CCNJL: variants seen among roughly 807,000 people sequenced by gnomAD.
CCNJL encodes the protein cyclin-J-like protein.
CCNJL carries 33 observed loss-of-function variants against 33.4 expected under a neutral mutation model. That is an observed-to-expected ratio of 0.99 (90% confidence interval 0.75 to 1.32). The LOEUF is 1.32. CCNJL is among the 40% of genes most tolerant of loss of function. The probability of loss-of-function intolerance (pLI) is 0.00; values close to 1 mark genes in which losing one functional copy is unlikely to be tolerated. For missense variants in CCNJL, 512 were observed against 499.7 expected, an observed-to-expected ratio of 1.02 and a Z score of -0.23; for synonymous variants, 227 against 220.9, an observed-to-expected ratio of 1.03 and a Z score of -0.24.
intron 3 of CCNJL, among the ~76,000 whole-genome samples, chr5:160,273,287 C>A (rs1361487062): frequency 6.6e-6 from 1 of 152,182 alleles, no homozygotes; most frequent in African/African-American, 2.4e-5. Flanking sequence ...TACATTAATT[C>A]ATTAATATTG....
At chr5:160,300,967 G>T (rs1038442232) in intron 2 of CCNJL, among the ~76,000 whole-genome samples, 4 of 152,124 alleles carry the variant, frequency 2.6e-5, no homozygotes, top group African/African-American at 9.7e-5. Context: ...GTATACTAGC[G>T]CAATCTTGTG....
rs191693088 is a variant in CCNJL at position 160,328,356 on chromosome 5, G to A, written n.206+11089C>T. On this transcript the variant is annotated intron_variant and non_coding_transcript_variant, in intron 1 of 7. Transcript: ENST00000377503. The stretch of plus-strand genomic sequence containing the variant: ...GGCAGTGAGTAGAAACAGGACACCC[G>A]TTAAGGAGGCTACTGCAGAACTCCT... Among the ~76,000 whole-genome samples, 23 of 152,326 alleles carry A rather than the reference G, an allele frequency of 1.5e-4. 1 individual carries two copies. Among genetic ancestry groups the A allele is most frequent in the Admixed American group, 5.9e-4 (9 of 15,296 alleles).
At chr5:160,321,002 C>T (rs1415045040) in intron 1 of CCNJL, among the ~76,000 whole-genome samples, 1 of 95,706 alleles carries the variant, frequency 1.0e-5, no homozygotes, top group Non-Finnish European at 1.9e-5. Flanking sequence ...TTCTTTCTCT[C>T]TCTCTCTCTC....
chr5:160,285,249 A>G (rs1423309561), intron 2 of CCNJL, among the ~76,000 whole-genome samples: 1 of 152,222 alleles, frequency 6.6e-6, no homozygotes, highest in African/African-American at 2.4e-5. Context: ...TTCTTTAAGG[A>G]AAAGACCTGA....
At chr5:160,322,696 A>C (rs1363491121) in intron 1 of CCNJL, among the ~76,000 whole-genome samples, 1 of 151,800 alleles carries the variant, frequency 6.6e-6, no homozygotes, top group Non-Finnish European at 1.5e-5. Context: ...TCACAAGGTC[A>C]GGAGCTTGAG....
At chr5:160,316,588 A>G (rs1242795193), upstream of CCNJL, among the ~76,000 whole-genome samples, 1 of 152,200 alleles carries the variant, frequency 6.6e-6, no homozygotes, top group East Asian at 1.9e-4. Flanking sequence ...CTCTGGTCCC[A>G]GGCCTTGTTC....
intron 1 of CCNJL, among the ~76,000 whole-genome samples, chr5:160,324,535 T>C (rs1763511360): frequency 6.6e-6 from 1 of 152,110 alleles, no homozygotes; most frequent in Non-Finnish European, 1.5e-5. Flanking sequence ...ATCGTGCCAT[T>C]GTACTCCAGC....
At chr5:160,301,049 C>T (rs1056640938) in intron 2 of CCNJL, among the ~76,000 whole-genome samples, 1 of 152,174 alleles carries the variant, frequency 6.6e-6, no homozygotes, top group Non-Finnish European at 1.5e-5. Flanking sequence ...ACTTTAGGAA[C>T]TTATTCCTGA....
intron 5 of CCNJL, 23 bp downstream of exon 5, chr5:160,255,526 C>G: frequency 6.2e-7 from 1 of 1,611,222 alleles, no homozygotes; most frequent in Non-Finnish European, 8.5e-7. Context: ...TTCAGAAACA[C>G]AGGATTCAGG....
chr5:160,306,132 G>A (rs1026089441), intron 2 of CCNJL, among the ~76,000 whole-genome samples: 4 of 152,026 alleles, frequency 2.6e-5, no homozygotes, highest in Admixed American at 2.6e-4. Flanking sequence ...AAGTTAGCTG[G>A]GTGTGGTGTG....
chr5:160,305,604 C>G (rs892087969), intron 2 of CCNJL, among the ~76,000 whole-genome samples: 2 of 152,248 alleles, frequency 1.3e-5, no homozygotes, highest in Admixed American at 6.5e-5. Flanking sequence ...AACACAAGAG[C>G]CTATAGTGTC....
chr5:160,264,738 C>T (rs1038981895), intron 3 of CCNJL, among the ~76,000 whole-genome samples: 1 of 152,092 alleles, frequency 6.6e-6, no homozygotes. Flanking sequence ...CCCCCTCTCC[C>T]GAGTCCTTGG....
At chr5:160,317,391 G>T (rs1388685523), upstream of CCNJL, among the ~76,000 whole-genome samples, 2 of 152,164 alleles carry the variant, frequency 1.3e-5, no homozygotes, top group Non-Finnish European at 2.9e-5. Context: ...CTCACGCAGG[G>T]CCAGCTCCAT....
At chr5:160,300,375 A>C (rs1762884633) in intron 2 of CCNJL, among the ~76,000 whole-genome samples, 1 of 152,122 alleles carries the variant, frequency 6.6e-6, no homozygotes, top group African/African-American at 2.4e-5. Context: ...ATGGGGCTCC[A>C]TGAAGCCTAG....
At chr5:160,259,424 G>A in intron 4 of CCNJL, 45 bp downstream of exon 4, 2 of 1,555,344 alleles carry the variant, frequency 1.3e-6, no homozygotes, top group African/African-American at 1.4e-5. Flanking sequence ...CCCCTGGGTG[G>A]TGGGGAAGGG....
chr5:160,322,069 A>T (rs564252232), intron 1 of CCNJL, among the ~76,000 whole-genome samples: 24 of 152,222 alleles, frequency 1.6e-4, no homozygotes, highest in African/African-American at 5.8e-4. Context: ...GAAGGGAGTG[A>T]GGAGGGGCCA....
intron 2 of CCNJL, among the ~76,000 whole-genome samples, chr5:160,287,173 G>C (rs995089333): frequency 1.3e-5 from 2 of 152,110 alleles, no homozygotes; most frequent in African/African-American, 4.8e-5. Flanking sequence ...TGGGGGTCAC[G>C]CTGCCGTAAA....
In CCNJL at chr5:160,251,735, C is replaced by A. The variant is rs913443719; in HGVS notation, c.*1643G>T. On this transcript the variant is annotated 3_prime_UTR_variant, in exon 6 of 6. Transcript: ENST00000257536. ...CTGGCTGTGAGGGAACCCTCACAAT[C>A]CCCAGGTCCCAGAACAGACAGATAC... 2.0e-5 allele frequency: 3 copies of A among 152,102 alleles called. No homozygotes were observed. The highest frequency in any genetic ancestry group is 7.2e-5 in the African/African-American group (3 of 41,408). 9.4% of individuals were successfully genotyped at this position (152,102 alleles called of 1,614,324 possible). A position where few individuals can be genotyped will look rare whatever the true frequency, so the allele number is the denominator to read the frequency against.
Position 160,268,895 on chromosome 5 carries a change from CTCT to C in CCNJL, c.281-9127_281-9125del, listed in dbSNP as rs368215439. Among the ~76,000 whole-genome samples, 1,037 of 152,318 alleles carry C rather than the reference CTCT, an allele frequency of 6.8e-3. 9 individuals are homozygous for C. Among genetic ancestry groups the C allele is most frequent in the African/African-American group, 0.023 (974 of 41,556 alleles). On this transcript the variant is annotated intron_variant, in intron 3 of 5. Transcript: ENST00000257536. Reference sequence around the variant, plus strand: ...TCCCTCAGGAAATCAAGAAAAAGCTCTCTTCTTCTCCTTCCTCTCTCAAGAGCA... The same window carrying C: ...TCCCTCAGGAAATCAAGAAAAAGCTCTCTTCTCCTTCCTCTCTCAAGAGCA...
Sources: allele counts gnomAD v4.1 joint callset (sites outside exome capture counted in the v4.1 genomes callset), GRCh38; gene constraint gnomAD v4.1.1; transcripts MANE v1.5; gene names NCBI Gene and HGNC (gene_info 2026-07-23, HGNC 2026-07-21).